BNC1: variants seen among roughly 807,000 people sequenced by gnomAD.
The protein encoded by BNC1 is basonuclin zinc finger protein 1, also known as zinc finger protein basonuclin-1.
BNC1 carries 8 observed loss-of-function variants against 66.5 expected under a neutral mutation model. The observed-to-expected ratio is 0.12, with a 90% confidence interval of 0.07 to 0.22. BNC1 has a LOEUF of 0.22. Among genes scored for constraint, BNC1 ranks in the 10% least tolerant of loss-of-function variants. The pLI, the probability that BNC1 is intolerant of heterozygous loss-of-function variation, is 1.00. For missense variants in BNC1, 1,069 were observed against 1,241.3 expected (o/e 0.86, Z 2.09); for synonymous variants, 454 against 452.6 (o/e 1.00, Z -0.04).
rs750186487 is a variant in BNC1, at chr15:83,258,041, G to A, written c.2386C>T (p.Leu796Phe). The A allele has an allele frequency of 6.2e-7, 1 of 1,613,918 alleles. No homozygotes were observed. Among genetic ancestry groups the A allele is most frequent in the Admixed American group, 1.7e-5 (1 of 60,012 alleles). ...GCTTCCTTAGCCACATCTTTCAGAA[G>A]GTAAGCTGCACGGAAATGATCTTCA... is the stretch of plus-strand genomic sequence containing the variant. ...SSEDHFRAAY[L>F]LKDVAKEAYQ... Residue 796 changes from leucine to phenylalanine, a missense_variant, in exon 5 of 5, where the codon CTT becomes TTT. Transcript: ENST00000345382.
intron 1 of BNC1, among the ~76,000 whole-genome samples, chr15:83,278,825 AAGAATATAC>A (rs2038351516): frequency 6.6e-6 from 1 of 152,262 alleles, no homozygotes; most frequent in Admixed American, 6.5e-5. Flanking sequence ...ACTCCAATTT[AAGAATATAC>A]AGGAGATACA....
chr15:83,257,427 T>C lies in BNC1; in HGVS notation c.*15A>G. 2 of 1,601,524 alleles carry C rather than the reference T, an allele frequency of 1.2e-6. No homozygotes were observed. Among genetic ancestry groups the C allele is most frequent in the Non-Finnish European group, 8.5e-7 (1 of 1,172,508 alleles). On this transcript the variant is annotated 3_prime_UTR_variant, in exon 5 of 5. Coordinates refer to ENST00000345382, the MANE Select transcript of BNC1 (RefSeq NM_001717.4). Reference sequence around the variant, plus strand: ...TGAAAAAAGCTTATCTGAGCATACTTGGTTTGCCATCTTGTTACTGGAGGT... The same window carrying C: ...TGAAAAAAGCTTATCTGAGCATACTCGGTTTGCCATCTTGTTACTGGAGGT...
chr15:83,284,533 G>C lies in BNC1; in HGVS notation c.96C>G (p.Ala32=), dbSNP rs1392127836. Residue 32 remains alanine (A), a synonymous_variant, in exon 1 of 5, where the codon GCC becomes GCG. Transcript: ENST00000345382. ...QPRHRSGRRM[A]EAISCTLNCS... is the part of the protein sequence containing the mutation. ...CCGCGGAGGGCGCCGCGCTTACCTC[G>C]GCCATCCTGCGACCGCTGCGGTGCC... The C allele has an allele frequency of 2.5e-6, 3 of 1,186,736 alleles. No homozygotes were observed. Among genetic ancestry groups the C allele is most frequent in the East Asian group, 5.4e-5 (1 of 18,362 alleles). 73.5% of individuals were successfully genotyped at this position (1,186,736 alleles called of 1,614,324 possible). A position where few individuals can be genotyped will look rare whatever the true frequency, so the allele number is the denominator to read the frequency against.
At chr15:83,260,114 T>A (rs1024537285) in intron 4 of BNC1, among the ~76,000 whole-genome samples, 1 of 152,122 alleles carries the variant, frequency 6.6e-6, no homozygotes, top group Non-Finnish European at 1.5e-5. Flanking sequence ...AATACTAAGA[T>A]ATTATTTGCC....
At chr15:83,279,430 T>C (rs1310599929) in intron 1 of BNC1, among the ~76,000 whole-genome samples, 1 of 152,058 alleles carries the variant, frequency 6.6e-6, no homozygotes, top group Admixed American at 6.5e-5. Context: ...ATAGGAGAAA[T>C]GGAGAAGTCA....
intron 1 of BNC1, among the ~76,000 whole-genome samples, chr15:83,284,108 A>T (rs551542201): frequency 6.6e-6 from 1 of 152,094 alleles, no homozygotes; most frequent in Admixed American, 6.5e-5. Flanking sequence ...AAAGAAAAAA[A>T]AAAAAAGAAG....
chr15:83,277,678 T>C (rs933564394), intron 1 of BNC1, among the ~76,000 whole-genome samples: 1 of 152,184 alleles, frequency 6.6e-6, no homozygotes, highest in Non-Finnish European at 1.5e-5. Flanking sequence ...TATCAAAAAC[T>C]GCCAATCAGG....
intron 1 of BNC1, among the ~76,000 whole-genome samples, chr15:83,282,889 C>A (rs1310431724): frequency 6.6e-6 from 1 of 152,226 alleles, no homozygotes; most frequent in East Asian, 1.9e-4. Context: ...CTCTCTCTCC[C>A]TGACAGGGAT....
chr15:83,278,611 T>C (rs571569100), intron 1 of BNC1, among the ~76,000 whole-genome samples: 3 of 152,324 alleles, frequency 2.0e-5, no homozygotes, highest in East Asian at 3.9e-4. Context: ...ATAACCTGTA[T>C]TTCAGGGTAA....
chr15:83,282,816 T>C (rs1437034881), intron 1 of BNC1, among the ~76,000 whole-genome samples: 1 of 152,246 alleles, frequency 6.6e-6, no homozygotes, highest in African/African-American at 2.4e-5. Flanking sequence ...AAAAAAATTG[T>C]TGCTACATCT....
rs1179199630 is a variant in BNC1 at position 83,255,904 on chromosome 15, G to A, written c.*1538C>T. ...AAATGTTTGCCTTTTTAAACAAAAG[G>A]TGTGCCATATATTTTTATTAAATCA... On this transcript the variant is annotated 3_prime_UTR_variant, in exon 5 of 5. Transcript: ENST00000345382. The A allele has an allele frequency of 2.0e-5, 3 of 152,600 alleles. No homozygotes were observed. The highest frequency in any genetic ancestry group is 4.4e-5 in the Non-Finnish European group (3 of 68,036). The allele number at this position is 152,600 out of a possible 1,614,324, so 9.5% of individuals were successfully genotyped here.
intron 1 of BNC1, among the ~76,000 whole-genome samples, chr15:83,268,948 G>A (rs564448202): frequency 6.6e-6 from 1 of 152,328 alleles, no homozygotes; most frequent in South Asian, 2.1e-4. Context: ...AGCTTTGTCT[G>A]AGCGTGGTGG....
At chr15:83,273,153 C>T (rs2038285584) in intron 1 of BNC1, among the ~76,000 whole-genome samples, 1 of 152,086 alleles carries the variant, frequency 6.6e-6, no homozygotes, top group Non-Finnish European at 1.5e-5. Context: ...TTGAATAAGG[C>T]TTAATAAAGC....
At chr15:83,277,752 G>A (rs72758350) in intron 1 of BNC1, among the ~76,000 whole-genome samples, 6,871 of 152,188 alleles carry the variant, frequency 0.045, 219 homozygotes, top group Non-Finnish European at 0.069. Context: ...TGGAGAGCCT[G>A]GCTTCACTTA....
At chr15:83,266,694 G>A (rs2038221345) in intron 3 of BNC1, 142 bp downstream of exon 3, 2 of 745,608 alleles carry the variant, frequency 2.7e-6, no homozygotes, top group Non-Finnish European at 4.6e-6. Context: ...TGAGGTAGGG[G>A]CTTAGGCCAT....
At chr15:83,277,979 T>A (rs2038343424) in intron 1 of BNC1, among the ~76,000 whole-genome samples, 1 of 152,186 alleles carries the variant, frequency 6.6e-6, no homozygotes. Flanking sequence ...TCACTTTTTC[T>A]TTTTAAGTTT....
rs1233509855 is a variant in BNC1, at chr15:83,257,071, C to G, written c.*371G>C. ...TCTTCTTCCCCAGGACCCTTCTTAT[C>G]CAAGACCTTTAACACTGCAAGCCTC... On this transcript the variant is annotated 3_prime_UTR_variant, in exon 5 of 5. Transcript: ENST00000345382. 4.8e-6 allele frequency: 1 copy of G among 206,970 alleles called. No individual in the cohort carries two copies. Among genetic ancestry groups the G allele is most frequent in the Non-Finnish European group, 9.6e-6 (1 of 103,826 alleles). The allele number at this position is 206,970 out of a possible 1,614,324, so 12.8% of individuals were successfully genotyped here.
At chr15:83,258,243 A>C in intron 4 of BNC1, 117 bp from the exon 5 acceptor site, 1 of 1,071,530 alleles carries the variant, frequency 9.3e-7, no homozygotes, top group Non-Finnish European at 1.3e-6. Context: ...AGCACCGATG[A>C]TAAGGGGGTA....
At chr15:83,265,928 A>G (rs1262442603) in intron 3 of BNC1, among the ~76,000 whole-genome samples, 1 of 152,098 alleles carries the variant, frequency 6.6e-6, no homozygotes, top group Non-Finnish European at 1.5e-5. Flanking sequence ...ACTGACATCT[A>G]TGTTGGTCTT....
Sources: allele counts gnomAD v4.1 joint callset (sites outside exome capture counted in the v4.1 genomes callset), GRCh38; gene constraint gnomAD v4.1.1; transcripts MANE v1.5; gene names NCBI Gene and HGNC (gene_info 2026-07-23, HGNC 2026-07-21).